MRTFB: variants seen among roughly 807,000 people sequenced by gnomAD.
The protein encoded by MRTFB is myocardin related transcription factor B, also known as myocardin-related transcription factor B.
Under a neutral mutation model 104.2 loss-of-function variants are expected in MRTFB, and 29 were observed. The ratio of observed to expected loss-of-function variants is 0.28; its 90% CI spans 0.21 to 0.38. MRTFB has a LOEUF of 0.38. Ranked by LOEUF, MRTFB falls within the 10% of genes least tolerant of loss-of-function variation. The probability of loss-of-function intolerance (pLI) is 1.00; values close to 1 mark genes in which losing one functional copy is unlikely to be tolerated. For missense variants in MRTFB, 1,270 were observed against 1,341.6 expected, an observed-to-expected ratio of 0.95 and a Z score of 0.83; for synonymous variants, 535 against 519.5, an observed-to-expected ratio of 1.03 and a Z score of -0.41.
chr16:14,170,991 G>T (rs923380366), intron 3 of MRTFB, among the ~76,000 whole-genome samples: 1 of 152,076 alleles, frequency 6.6e-6, no homozygotes, highest in Non-Finnish European at 1.5e-5. Flanking sequence ...GAGTCTGTGG[G>T]TTATAATCTG....
At position 14,247,046 on chromosome 16, in the gene MRTFB, G is replaced by A. The variant is rs1308012288; in HGVS notation, c.1786G>A (p.Glu596Lys). The A allele has an allele frequency of 1.9e-6, 3 of 1,614,064 alleles. No individual in the cohort carries two copies. The highest frequency in any genetic ancestry group is 2.5e-6 in the Non-Finnish European group (3 of 1,180,054). ...RKLEQEQKLV[E>K]VLKMQLEVEK... ...ACTGGAACAAGAGCAGAAGCTCGTG[G>A]AAGTGCTGAAAATGCAACTTGAGGT... The change falls in exon 12 of 17, where the codon GAA (glutamate) becomes AAA (lysine). Residue 596 changes from glutamate to lysine, a missense_variant. Glu to Lys is a moderately conservative substitution (Grantham distance 56). Around this residue, in one of 3 missense-constraint regions of MRTFB, gnomAD observed 1,144 missense variants for 1,131.5 expected, o/e 1.01. Transcript: ENST00000571589.
At chr16:14,018,814 T>G in the MRTFB span, 1 of 144,692 alleles carries the variant, frequency 6.9e-6, no homozygotes, top group South Asian at 2.1e-4. Context: ...AGCCACATAT[T>G]TTTTTTTTTA....
At position 14,263,678 on chromosome 16, in the gene MRTFB, AAATACACAGTGC is replaced by A. The variant is rs1303003637; in HGVS notation, c.*2236_*2247del. ...ATGCCACAGGAAGGTTGCTCTCCAA[AAATACACAGTGC>A]AGTGCAAGAAAATGCTATCTCATTG... is the stretch of plus-strand genomic sequence containing the variant. On this transcript the variant is annotated 3_prime_UTR_variant, in exon 17 of 17. Coordinates refer to ENST00000571589, the MANE Select transcript of MRTFB (RefSeq NM_001308142.2). The A allele has an allele frequency of 6.6e-6, 1 of 152,242 alleles. No homozygotes were observed. Among genetic ancestry groups the A allele is most frequent in the Non-Finnish European group, 1.5e-5 (1 of 68,042 alleles). 9.4% of individuals were successfully genotyped at this position (152,242 alleles called of 1,614,324 possible). A position where few individuals can be genotyped will look rare whatever the true frequency, so the allele number is the denominator to read the frequency against.
At chr16:14,200,067 G>A (rs918980511) in intron 3 of MRTFB, 1 of 520,282 alleles carries the variant, frequency 1.9e-6, no homozygotes, top group African/African-American at 1.9e-5. Context: ...ACTACAGATT[G>A]GCACAACCAT....
intron 3 of MRTFB, chr16:14,143,488 C>G (rs1158347963): frequency 1.3e-5 from 2 of 151,036 alleles, no homozygotes; most frequent in Non-Finnish European, 2.9e-5. Flanking sequence ...TGAATAAATC[C>G]CATATTTGGT....
intron 3 of MRTFB, among the ~76,000 whole-genome samples, chr16:14,169,641 A>G (rs1411673781): frequency 6.6e-6 from 1 of 152,146 alleles, no homozygotes; most frequent in Non-Finnish European, 1.5e-5. Context: ...CATTTTTAAG[A>G]TCAGTTTTTA....
chr16:14,190,835 G>A (rs1031362518), intron 3 of MRTFB, among the ~76,000 whole-genome samples: 2 of 152,188 alleles, frequency 1.3e-5, no homozygotes, highest in Non-Finnish European at 2.9e-5. Context: ...TCAACCAGGA[G>A]TGTCAACGGA....
intron 3 of MRTFB, among the ~76,000 whole-genome samples, chr16:14,178,247 A>C (rs970320111): frequency 2.0e-5 from 3 of 152,158 alleles, no homozygotes; most frequent in African/African-American, 7.2e-5. Context: ...TGTAGCATTT[A>C]TGTCTGAAGA....
intron 9 of MRTFB, among the ~76,000 whole-genome samples, chr16:14,236,477 TA>T (rs1555457167): frequency 1.3e-5 from 2 of 152,100 alleles, no homozygotes; most frequent in Non-Finnish European, 2.9e-5. Context: ...ACCCTTAGGG[TA>T]AACAGACAAC....
At chr16:14,245,507 A>G in intron 10 of MRTFB, 21 bp from the exon 11 acceptor site, 1 of 1,590,924 alleles carries the variant, frequency 6.3e-7, no homozygotes, top group Non-Finnish European at 8.5e-7. Context: ...TATAAACTCT[A>G]ATTTTTGTTT....
chr16:14,134,374 A>G lies in MRTFB; in HGVS notation c.-63-6170A>G, dbSNP rs73514965. ...TTGAAAGAATTATAACCTAGCAACAAAAAGATGTCCTGTTTATATGTAGTG... is the reference window on the plus strand; with the variant it reads ...TTGAAAGAATTATAACCTAGCAACAGAAAGATGTCCTGTTTATATGTAGTG... On this transcript the variant is annotated intron_variant, in intron 2 of 16. Coordinates refer to ENST00000571589, the MANE Select transcript of MRTFB (RefSeq NM_001308142.2). 9.0e-3 allele frequency among the ~76,000 whole-genome samples: 1,370 copies of G among 152,358 alleles called. 20 individuals carry two copies. Among genetic ancestry groups the G allele is most frequent in the African/African-American group, 0.032 (1,329 of 41,578 alleles).
chr16:14,157,809 A>G (rs943119996), intron 3 of MRTFB, among the ~76,000 whole-genome samples: 1 of 152,242 alleles, frequency 6.6e-6, no homozygotes, highest in Non-Finnish European at 1.5e-5. Context: ...ACATCACTGA[A>G]TAAAGGAAAT....
rs1182295382 is a variant in MRTFB, at chr16:14,228,776, G to A, written c.694-5370G>A. 4.4e-5 allele frequency among the ~76,000 whole-genome samples: 6 copies of A among 136,106 alleles called. No homozygotes were observed. In the East Asian group the frequency reaches 1.2e-3, roughly 28 times the overall value. The allele number at this position is 136,106 out of a possible 152,430, so 89.3% of individuals were successfully genotyped here. A position where few individuals can be genotyped will look rare whatever the true frequency, so the allele number is the denominator to read the frequency against. ...GAAGCAAATTCTGCATTCCGTCATT[G>A]ATGAAACTCTAGCTCATGTTCAATG... On this transcript the variant is annotated intron_variant, in intron 8 of 16. Coordinates refer to ENST00000571589, the MANE Select transcript of MRTFB (RefSeq NM_001308142.2).
intron 2 of MRTFB, among the ~76,000 whole-genome samples, chr16:14,130,757 A>G (rs1480779853): frequency 2.6e-5 from 4 of 152,138 alleles, no homozygotes; most frequent in Non-Finnish European, 1.5e-5. Flanking sequence ...TATAAAGGAA[A>G]GAGCATGGCG....
At chr16:14,009,229 C>G in the MRTFB span, 1 of 152,186 alleles carries the variant, frequency 6.6e-6, no homozygotes, top group Admixed American at 6.6e-5. Context: ...GATTAACTGG[C>G]ATGAGCCACC....
At position 14,246,587 on chromosome 16, in the gene MRTFB, G is replaced by A; in HGVS notation, c.1327G>A (p.Ala443Thr). 1 of 1,614,146 alleles carries A rather than the reference G, an allele frequency of 6.2e-7. No individual in the cohort carries two copies. The highest frequency in any genetic ancestry group is 8.5e-7 in the Non-Finnish European group (1 of 1,180,028). The change falls in exon 12 of 17, where the codon GCT (alanine) becomes ACT (threonine). Residue 443 changes from alanine (A) to threonine (T), a missense_variant. Coordinates refer to ENST00000571589, the MANE Select transcript of MRTFB (RefSeq NM_001308142.2). ...YQEVNSSGLA[A>T]GGIVAVSSSA... Reference sequence around the variant, plus strand: ...GGAAGTGAACAGCAGCGGCCTTGCTGCTGGGGGCATCGTGGCAGTGTCATC... The same window carrying A: ...GGAAGTGAACAGCAGCGGCCTTGCTACTGGGGGCATCGTGGCAGTGTCATC...
At chr16:14,163,915 A>G (rs1352108619) in intron 3 of MRTFB, among the ~76,000 whole-genome samples, 2 of 152,036 alleles carry the variant, frequency 1.3e-5, no homozygotes, top group Non-Finnish European at 2.9e-5. Context: ...TGGAAAGAAT[A>G]CCTTTTTTGA....
chr16:14,232,105 C>T (rs2042294491), intron 8 of MRTFB, among the ~76,000 whole-genome samples: 1 of 152,166 alleles, frequency 6.6e-6, no homozygotes. Context: ...ATGTGATTAA[C>T]ACTTACTGCT....
intron 10 of MRTFB, 54 bp from the exon 11 acceptor site, chr16:14,245,474 G>C (rs2042970643): frequency 1.3e-6 from 2 of 1,506,274 alleles, no homozygotes; most frequent in Admixed American, 3.9e-5. Context: ...TAGAAGCAAT[G>C]TCAAATCTAG....
Sources: allele counts gnomAD v4.1 joint callset (sites outside exome capture counted in the v4.1 genomes callset), GRCh38; gene constraint gnomAD v4.1.1; regional missense constraint gnomAD v4.1.1; transcripts MANE v1.5; gene names NCBI Gene and HGNC (gene_info 2026-07-23, HGNC 2026-07-21).